Variants in SCRN1 observed in about 807,000 individuals in gnomAD.
SCRN1 encodes the protein secernin-1.
SCRN1 carries 19 observed loss-of-function variants against 43.3 expected under a neutral mutation model. That is an observed-to-expected ratio of 0.44 (90% CI 0.31 to 0.64). The LOEUF is 0.64. SCRN1 is among the 30% of genes least tolerant of loss of function. The pLI, the probability that SCRN1 is intolerant of heterozygous loss-of-function variation, is 0.09. For synonymous variants in SCRN1, 183 were observed against 188.9 expected (o/e 0.97, Z 0.26); for missense variants, 447 against 524.1 (o/e 0.85, Z 1.44).
chr7:29,974,971 C>T (rs1254973900), intron 1 of SCRN1, among the ~76,000 whole-genome samples: 2 of 152,112 alleles, frequency 1.3e-5, no homozygotes, highest in South Asian at 2.1e-4. Flanking sequence ...CATGAGCCAC[C>T]GTGCTCAGCC....
At chr7:29,929,026 C>T (rs1787070885) in intron 6 of SCRN1, among the ~76,000 whole-genome samples, 1 of 152,196 alleles carries the variant, frequency 6.6e-6, no homozygotes, top group Admixed American at 6.5e-5. Context: ...CTCCAGGCTA[C>T]CTCTGGGCTC....
chr7:29,920,226 C>T lies in SCRN1; in HGVS notation c.*3731G>A, dbSNP rs2128083838. 1 of 152,660 alleles carries T rather than the reference C, an allele frequency of 6.6e-6. No individual in the cohort carries two copies. Among genetic ancestry groups the T allele is most frequent in the Admixed American group, 6.5e-5 (1 of 15,290 alleles). The allele number at this position is 152,660 out of a possible 1,614,324, so 9.5% of individuals were successfully genotyped here. ...TTTGTACAAAAGACTGTTAAGACTA[C>T]ATGGCCAGTTCCCACTGCAGGAAAC... On this transcript the variant is annotated 3_prime_UTR_variant, in exon 8 of 8. Transcript: ENST00000242059.
At chr7:29,924,170 G>A (rs1444630786) in intron 7 of SCRN1, 55 bp from the exon 8 acceptor site, 13 of 1,554,144 alleles carry the variant, frequency 8.4e-6, no homozygotes, top group Non-Finnish European at 1.1e-5. Flanking sequence ...GGACATTGCA[G>A]CGGACACTGA....
At chr7:29,981,923 T>C (rs577064353) in intron 1 of SCRN1, among the ~76,000 whole-genome samples, 1 of 152,250 alleles carries the variant, frequency 6.6e-6, no homozygotes, top group African/African-American at 2.4e-5. Context: ...TGGGTAGGTA[T>C]GGGAGTGAGG....
rs760799323 is a variant in SCRN1 at position 29,955,132 on chromosome 7, T to C, written c.341+47A>G. 1.9e-6 allele frequency: 3 copies of C among 1,551,272 alleles called. No individual in the cohort carries two copies. In the Admixed American group the frequency reaches 5.4e-5, roughly 28 times the overall value. On this transcript the variant is annotated intron_variant, in intron 3 of 7. Transcript: ENST00000242059. ...AGGGAGAAATAAATCCTGTCCCCAT[T>C]TCCAACCTTTTCTAGGAAGTTGTTT...
chr7:29,948,674 G>GA (rs1033379014), intron 3 of SCRN1, among the ~76,000 whole-genome samples: 3 of 151,800 alleles, frequency 2.0e-5, no homozygotes, highest in Non-Finnish European at 4.4e-5. Context: ...CAGCATGCAG[G>GA]AAAAAAAAGA....
At chr7:29,941,551 TGC>T (rs1787555883) in intron 4 of SCRN1, among the ~76,000 whole-genome samples, 1 of 152,246 alleles carries the variant, frequency 6.6e-6, no homozygotes, top group African/African-American at 2.4e-5. Context: ...TGTGCACACA[TGC>T]GTGTGAGTGT....
rs114554216 is a variant in SCRN1 at position 29,935,506 on chromosome 7, A to G, written c.905+1050T>C. On this transcript the variant is annotated intron_variant, in intron 6 of 7. Transcript: ENST00000242059. The stretch of plus-strand genomic sequence containing the variant: ...CCAATGGAACACCCAAAAAAACACC[A>G]GAGAACCTACTGGAATGGGCAGGCT... 2.5e-3 allele frequency among the ~76,000 whole-genome samples: 380 copies of G among 152,356 alleles called. 6 individuals are homozygous for G. The highest frequency in any genetic ancestry group is 8.8e-3 in the African/African-American group (367 of 41,584).
chr7:29,934,937 ACTCTCTGC>A (rs1188936500), intron 6 of SCRN1, among the ~76,000 whole-genome samples: 1 of 150,876 alleles, frequency 6.6e-6, no homozygotes, highest in Non-Finnish European at 1.5e-5. Flanking sequence ...TGGTTTCATG[ACTCTCTGC>A]CTTTTGCATG....
At chr7:29,986,717 A>ATTTTTT (rs553845779) in intron 1 of SCRN1, among the ~76,000 whole-genome samples, 47 of 99,812 alleles carry the variant, frequency 4.7e-4, no homozygotes, top group Middle Eastern at 8.1e-3. Flanking sequence ...AATTTTTTTA[A>ATTTTTT]TTTTTTTTTT....
intron 1 of SCRN1, among the ~76,000 whole-genome samples, chr7:29,986,113 G>A (rs1185388425): frequency 6.6e-6 from 1 of 152,322 alleles, no homozygotes; most frequent in Non-Finnish European, 1.5e-5. Context: ...GCGCACGCCT[G>A]TAATCCCAGC....
chr7:29,980,635 A>G (rs1296106932), intron 1 of SCRN1, among the ~76,000 whole-genome samples: 3 of 152,226 alleles, frequency 2.0e-5, no homozygotes, highest in African/African-American at 7.2e-5. Flanking sequence ...AAATAAGGTA[A>G]TAAGATGTAA....
intron 1 of SCRN1, chr7:29,989,062 C>A (rs1351520291): frequency 6.6e-6 from 1 of 151,994 alleles, no homozygotes; most frequent in African/African-American, 2.4e-5. Flanking sequence ...ACGCGCGGCC[C>A]GCGGAGAACC....
intron 5 of SCRN1, among the ~76,000 whole-genome samples, chr7:29,938,329 C>T (rs541931942): frequency 1.3e-5 from 2 of 152,346 alleles, no homozygotes; most frequent in East Asian, 3.9e-4. Flanking sequence ...ACCGCACCCA[C>T]TCAGCTTGCA....
intron 7 of SCRN1, 91 bp from the exon 8 acceptor site, chr7:29,924,206 C>T (rs928801792): frequency 7.4e-6 from 10 of 1,346,926 alleles, no homozygotes; most frequent in Non-Finnish European, 1.0e-5. Context: ...CAGCTGGCTT[C>T]CTGCTCAAGG....
At chr7:29,984,955 A>T (rs563727848) in intron 1 of SCRN1, among the ~76,000 whole-genome samples, 1 of 143,410 alleles carries the variant, frequency 7.0e-6, no homozygotes, top group African/African-American at 2.6e-5. Context: ...TAAAATAAGG[A>T]GCCAATTAAA....
intron 6 of SCRN1, among the ~76,000 whole-genome samples, chr7:29,931,104 T>C (rs1787140318): frequency 6.6e-6 from 1 of 152,246 alleles, no homozygotes. Flanking sequence ...CCACTGGATA[T>C]ACCATTACCT....
chr7:29,926,664 C>A, intron 6 of SCRN1, 32 bp from the exon 7 acceptor site: 1 of 1,595,006 alleles, frequency 6.3e-7, no homozygotes, highest in Non-Finnish European at 8.6e-7. Flanking sequence ...TTCAGCCAGG[C>A]AGAGGCTGGG....
At chr7:29,987,837 G>C (rs984655513) in intron 1 of SCRN1, among the ~76,000 whole-genome samples, 1 of 152,104 alleles carries the variant, frequency 6.6e-6, no homozygotes, top group African/African-American at 2.4e-5. Flanking sequence ...TATGATCTTG[G>C]CGTCCATTCG....
Sources: gnomAD v4.1 joint callset for allele counts (sites outside exome capture counted in the v4.1 genomes callset) on GRCh38, gnomAD v4.1.1 for gene constraint, MANE v1.5 for transcripts, NCBI Gene and HGNC (gene_info 2026-07-23, HGNC 2026-07-21) for gene names.